IQSEC2: variants seen among roughly 807,000 people sequenced by gnomAD.
IQSEC2 encodes the protein IQ motif and Sec7 domain ArfGEF 2, also known as IQ motif and SEC7 domain-containing protein 2.
Under a neutral mutation model 74.6 loss-of-function variants are expected in IQSEC2, and 6 were observed. The ratio of observed to expected loss-of-function variants is 0.08; its 90% CI spans 0.04 to 0.16. The LOEUF (loss-of-function observed/expected upper bound fraction) is 0.16. Among genes scored for constraint, IQSEC2 ranks in the 10% least tolerant of loss-of-function variants. The pLI is 1.00. For missense variants in IQSEC2, 734 were observed against 1,306.2 expected (o/e 0.56, Z 6.75); for synonymous variants, 494 against 544.5 (o/e 0.91, Z 1.29).
chrX:53,318,720 C>G (rs1374686777), intron 1 of IQSEC2, among the ~76,000 whole-genome samples: 1 of 112,971 alleles, frequency 8.9e-6, no homozygotes, highest in African/African-American at 3.2e-5. Flanking sequence ...CCCACTGTTT[C>G]GGGTTCTGCT....
intron 2 of IQSEC2, among the ~76,000 whole-genome samples, chrX:53,263,746 AG>A (rs1400763166): frequency 9.0e-6 from 1 of 111,514 alleles, no homozygotes; most frequent in Non-Finnish European, 1.9e-5. Flanking sequence ...GGAACATGAC[AG>A]GGTCAGTGAC....
chrX:53,257,108 G>T (rs1482905898), intron 2 of IQSEC2, among the ~76,000 whole-genome samples: 1 of 112,024 alleles, frequency 8.9e-6, no homozygotes, highest in African/African-American at 3.2e-5. Context: ...GGGGGAATGG[G>T]TGTGGCTGGG....
chrX:53,255,658 G>T, intron 3 of IQSEC2, 142 bp downstream of exon 3: 1 of 694,979 alleles, frequency 1.4e-6, no homozygotes, highest in Non-Finnish European at 2.2e-6. Flanking sequence ...CCCCAGTGGG[G>T]TGAAGGGTCC....
intron 1 of IQSEC2, among the ~76,000 whole-genome samples, chrX:53,293,636 T>C (rs1228181391): frequency 9.0e-6 from 1 of 110,923 alleles, no homozygotes; most frequent in Non-Finnish European, 1.9e-5. Flanking sequence ...AACCCTCTGC[T>C]CTAGGCAGAC....
At position 53,236,410 on chromosome X, in the gene IQSEC2, G is replaced by A. The variant is rs1556859692; in HGVS notation, c.3363C>T (p.Ala1121=). Residue 1121 remains alanine, a synonymous_variant, in exon 13 of 15, where the codon GCC becomes GCT. Transcript: ENST00000642864. ...CGTAAGTGTCCTCCAGGCTACTGCG[G>A]GCCATCGTCCCATTCACTGAGTCCT... ...GAKDSVNGTM[A]RSSLEDTYGA... The A allele has an allele frequency of 7.5e-6, 9 of 1,204,067 alleles. No individual in the cohort carries two copies. The highest frequency in any genetic ancestry group is 1.0e-5 in the Non-Finnish European group (9 of 891,723).
chrX:53,234,231 G>A lies in IQSEC2; in HGVS notation c.4455C>T (p.Ser1485=), dbSNP rs1290029413. The A allele has an allele frequency of 3.8e-6, 4 of 1,064,979 alleles. No individual in the cohort carries two copies. Among genetic ancestry groups the A allele is most frequent in the Non-Finnish European group, 4.9e-6 (4 of 812,561 alleles). 87.8% of individuals were successfully genotyped at this position (1,064,979 alleles called of 1,213,427 possible). Residue 1485 remains serine (S), a synonymous_variant, in exon 15 of 15, where the codon AGC becomes AGT. Coordinates refer to ENST00000642864, the MANE Select transcript of IQSEC2 (RefSeq NM_001111125.3). ...ANPKAKPSRI[S]TVV Reference sequence around the variant, plus strand: ...CTCTCTCCATTCATCAGACCACGGTGCTGATCCGGCTTGGCTTGGCCTTGG... The same window carrying A: ...CTCTCTCCATTCATCAGACCACGGTACTGATCCGGCTTGGCTTGGCCTTGG...
At chrX:53,285,055 C>T (rs868967011) in intron 2 of IQSEC2, among the ~76,000 whole-genome samples, 5 of 112,202 alleles carry the variant, frequency 4.5e-5, no homozygotes, top group African/African-American at 1.3e-4. Context: ...TCTTCACAAA[C>T]GTGGGTGCCA....
Position 53,233,768 on chromosome X carries a change from C to T in IQSEC2, c.*451G>A, listed in dbSNP as rs1233832760. On this transcript the variant is annotated 3_prime_UTR_variant, in exon 15 of 15. Transcript: ENST00000642864. ...GAAGTTTGGCCACAACTCTACAGAG[C>T]GCTCTCCTAGCCCCACACGGCCAGA... The T allele has an allele frequency of 1.7e-5, 5 of 294,487 alleles. No homozygotes were observed. The highest frequency in any genetic ancestry group is 2.7e-5 in the African/African-American group (1 of 36,411). The allele number at this position is 294,487 out of a possible 1,213,427, so 24.3% of individuals were successfully genotyped here. A position where few individuals can be genotyped will look rare whatever the true frequency, so the allele number is the denominator to read the frequency against.
Position 53,303,604 on chromosome X carries a change from C to T in IQSEC2, c.708-11680G>A, listed in dbSNP as rs782297560. On this transcript the variant is annotated intron_variant, in intron 1 of 14. Coordinates refer to ENST00000642864, the MANE Select transcript of IQSEC2 (RefSeq NM_001111125.3). Reference sequence around the variant, plus strand: ...TTGCCTGAGGTCAGGGGTTGGAGACCAGCCTGGCCAACATGGTAAAACCCC... The same window carrying T: ...TTGCCTGAGGTCAGGGGTTGGAGACTAGCCTGGCCAACATGGTAAAACCCC... Among the ~76,000 whole-genome samples the T allele has an allele frequency of 6.0e-4, 66 of 110,176 alleles. 1 individual carries two copies. The highest frequency in any genetic ancestry group is 1.1e-3 in the Non-Finnish European group (59 of 52,771).
intron 2 of IQSEC2, among the ~76,000 whole-genome samples, chrX:53,264,099 C>T (rs782546465): frequency 1.9e-4 from 21 of 112,509 alleles, no homozygotes; most frequent in African/African-American, 6.8e-4. Context: ...ATTACATCCA[C>T]CAGACACAGA....
intron 9 of IQSEC2, among the ~76,000 whole-genome samples, chrX:53,242,895 C>A (rs183219412): frequency 1.8e-5 from 2 of 111,265 alleles, no homozygotes; most frequent in Non-Finnish European, 3.8e-5. Context: ...ACCATCACGC[C>A]CGCAGCTAAT....
intron 2 of IQSEC2, among the ~76,000 whole-genome samples, chrX:53,272,691 C>T (rs2074761740): frequency 9.0e-6 from 1 of 111,598 alleles, no homozygotes; most frequent in Non-Finnish European, 1.9e-5. Flanking sequence ...AACGCCTACT[C>T]TTATTTTCCC....
intron 1 of IQSEC2, among the ~76,000 whole-genome samples, chrX:53,305,085 A>AT: frequency 9.1e-6 from 1 of 109,551 alleles, no homozygotes; most frequent in Non-Finnish European, 1.9e-5. Context: ...CATCCAGCTA[A>AT]TTTTTGTATT....
chrX:53,226,822 C>G (rs978184784), downstream of IQSEC2: 1 of 112,399 alleles, frequency 8.9e-6, no homozygotes, highest in African/African-American at 3.2e-5. Flanking sequence ...CAAGTCCCAA[C>G]TTCTGTAACT....
At chrX:53,278,288 G>A (rs924885193) in intron 2 of IQSEC2, among the ~76,000 whole-genome samples, 1 of 111,085 alleles carries the variant, frequency 9.0e-6, no homozygotes, top group East Asian at 2.8e-4. Flanking sequence ...GGGATTACAG[G>A]CGTGAGCCAC....
intron 1 of IQSEC2, among the ~76,000 whole-genome samples, chrX:53,316,382 C>T (rs2075370860): frequency 9.0e-6 from 1 of 111,306 alleles, no homozygotes; most frequent in Non-Finnish European, 1.9e-5. Context: ...GGGAAAAGTA[C>T]CCAAGACCCC....
intron 2 of IQSEC2, among the ~76,000 whole-genome samples, chrX:53,259,895 AAAC>A (rs1426630712): frequency 1.8e-5 from 2 of 112,231 alleles, no homozygotes; most frequent in Admixed American, 9.4e-5. Context: ...CTCACTCAAC[AAAC>A]AACAACTGAG....
chrX:53,256,015 T>C lies in IQSEC2; in HGVS notation c.784A>G (p.Ser262Gly). The C allele has an allele frequency of 8.4e-7, 1 of 1,186,383 alleles. No homozygotes were observed. The highest frequency in any genetic ancestry group is 1.7e-5 in the African/African-American group (1 of 57,268). Residue 262 changes from serine to glycine, a missense_variant, in exon 3 of 15, where the codon AGT (serine) becomes GGT (glycine). This residue lies in a region of IQSEC2 where 54 missense variants were observed against 62.1 expected (regional missense o/e 0.87). Transcript: ENST00000642864. The part of the protein sequence containing the change: ...PGSDLSTAVD[S>G]PGSQPPYRLS... ...CGGTAGGGGGGTTGGCTCCCAGGAC[T>C]ATCAACCGCTGTGCTCAGGTCACTG...
At chrX:53,238,527 G>A (rs782676466) in intron 11 of IQSEC2, among the ~76,000 whole-genome samples, 2 of 109,766 alleles carry the variant, frequency 1.8e-5, no homozygotes, top group South Asian at 4.0e-4. Flanking sequence ...CCATGGGCAC[G>A]CACCACATGC....
Sources: gnomAD v4.1 joint callset for allele counts (sites outside exome capture counted in the v4.1 genomes callset) on GRCh38, gnomAD v4.1.1 for gene constraint, gnomAD v4.1.1 regional missense constraint, MANE v1.5 for transcripts, NCBI Gene and HGNC (gene_info 2026-07-23, HGNC 2026-07-21) for gene names.